The following PPM1J variants were observed in gnomAD, a reference collection of about 807,000 sequenced individuals.
The protein encoded by PPM1J is protein phosphatase, Mg2+/Mn2+ dependent 1J.
In PPM1J, 43 loss-of-function variants were observed where a neutral mutation model predicts 53.3. The observed-to-expected ratio is 0.81, with a 90% CI of 0.63 to 1.04. The LOEUF (loss-of-function observed/expected upper bound fraction) is 1.04. Among genes scored for constraint, PPM1J ranks in the 50% least tolerant of loss-of-function variants. The pLI is 0.00. For missense variants in PPM1J, 635 were observed against 685.9 expected (o/e 0.93, Z 0.83); for synonymous variants, 267 against 286.4 (o/e 0.93, Z 0.68).
chr1:112,714,045 T>C, intron 1 of PPM1J: 1 of 1,048,002 alleles, frequency 9.5e-7, no homozygotes. Context: ...CTCATCCTCA[T>C]GGGCACACCC....
chr1:112,712,270 A>C (rs1675081103), intron 4 of PPM1J, 75 bp downstream of exon 4: 2 of 1,233,194 alleles, frequency 1.6e-6, no homozygotes, highest in Non-Finnish European at 2.3e-6. Context: ...AACCCCTGCC[A>C]CCTTACTCTC....
Position 112,711,304 on chromosome 1 carries a change from C to A in PPM1J, c.1008G>T (p.Gly336=). ...TCTGGTCCCGGTACAACATCCTCTG[C>A]CCCAGCTCCTTGGGCAGAACTCTGC... ...FPRRVLPKEL[G]QRMLYRDQNM... is the part of the protein sequence containing the mutation. Residue 336 remains glycine, a synonymous_variant, in exon 6 of 10, where the codon GGG becomes GGT. Transcript: ENST00000309276. 1 of 1,607,786 alleles carries A rather than the reference C, an allele frequency of 6.2e-7. No homozygotes were observed. Among genetic ancestry groups the A allele is most frequent in the Non-Finnish European group, 8.5e-7 (1 of 1,176,904 alleles).
In PPM1J at chr1:112,712,345, C is replaced by G; in HGVS notation, c.842G>C (p.Arg281Thr). The G allele has an allele frequency of 6.2e-7, 1 of 1,608,394 alleles. No homozygotes were observed. Residue 281 changes from arginine (R) to threonine (T), a missense_variant and splice_region_variant, in exon 4 of 10, where the codon AGG (arginine) becomes ACG (threonine). By Grantham distance (71) the Arg-to-Thr change is moderately conservative. Coordinates refer to ENST00000309276, the MANE Select transcript of PPM1J (RefSeq NM_005167.7). ...KVYVANAGDS[R>T]AIIVRNGEII... ...CACCTTGGAGCCCCCTCCCCCATACCTGCTATCGCCTGCATTGGCCACGTA... is the reference window on the plus strand; with the variant it reads ...CACCTTGGAGCCCCCTCCCCCATACGTGCTATCGCCTGCATTGGCCACGTA...
chr1:112,710,768 C>T lies in PPM1J; in HGVS notation c.1194G>A (p.Lys398=), dbSNP rs1428978422. The change falls in exon 8 of 10, where the codon AAG becomes AAA. Residue 398 remains lysine (K), a synonymous_variant. Coordinates refer to ENST00000309276, the MANE Select transcript of PPM1J (RefSeq NM_005167.7). ...LKVCSSTLPI[K]PFLSCFPEVR... ...CCTCAGGGAAGCAGGAGAGAAAGGG[C>T]TTGATGGGCAGGGTGGAACTGCAGA... 6.2e-7 allele frequency: 1 copy of T among 1,614,118 alleles called. No homozygotes were observed. Among genetic ancestry groups the T allele is most frequent in the African/African-American group, 1.3e-5 (1 of 75,032 alleles).
chr1:112,713,235 C>T (rs578237861), intron 2 of PPM1J, among the ~76,000 whole-genome samples: 1 of 152,312 alleles, frequency 6.6e-6, no homozygotes, highest in South Asian at 2.1e-4. Flanking sequence ...AAAACCCAAA[C>T]TCAGAGGATA....
Position 112,713,552 on chromosome 1 carries a change from T to A in PPM1J, c.386A>T (p.Tyr129Phe), listed in dbSNP as rs1274518191. 3 of 1,614,012 alleles carry A rather than the reference T, an allele frequency of 1.9e-6. No homozygotes were observed. The African/African-American group carries it at 4.0e-5, about 22-fold the overall frequency. Residue 129 changes from tyrosine (Y) to phenylalanine (F), a missense_variant, in exon 2 of 10, where the codon TAT (tyrosine) becomes TTT (phenylalanine). Physicochemically the swap from Tyr to Phe is conservative, Grantham distance 22. Transcript: ENST00000309276. The part of the protein sequence containing the change: ...NEDQACCEVV[Y>F]VEGRRSVTGV... ...TGTAACACTCCTCCGACCTTCCACA[T>A]ACACCACTTCACAGCAAGCCTGGTC...
Position 112,715,116 on chromosome 1 carries a change from C to T in PPM1J, c.186G>A (p.Glu62=), listed in dbSNP as rs754247401. 3 of 1,557,038 alleles carry T rather than the reference C, an allele frequency of 1.9e-6. No homozygotes were observed. The highest frequency in any genetic ancestry group is 2.6e-6 in the Non-Finnish European group (3 of 1,161,678). The part of the protein sequence containing the change: ...SGSATPAKAV[E]ARASFSRPTF... Reference sequence around the variant, plus strand: ...TCGGTCTGGAGAAGCTCGCTCGAGCCTCAACAGCCTTCGCGGGCGTCGCGC... The same window carrying T: ...TCGGTCTGGAGAAGCTCGCTCGAGCTTCAACAGCCTTCGCGGGCGTCGCGC... The change falls in exon 1 of 10, where the codon GAG becomes GAA. Residue 62 remains glutamate (E), a synonymous_variant. Coordinates refer to ENST00000309276, the MANE Select transcript of PPM1J (RefSeq NM_005167.7). This position sits in a 1 kb window ranked among gnomAD's most constrained non-coding sequence, Gnocchi z 4.4.
At position 112,710,245 on chromosome 1, in the gene PPM1J, C is replaced by T. The variant is rs113935705; in HGVS notation, c.1436G>A (p.Arg479His). 112 of 1,594,058 alleles carry T rather than the reference C, an allele frequency of 7.0e-5. 1 individual carries two copies. Among genetic ancestry groups the T allele is most frequent in the African/African-American group, 2.6e-4 (19 of 73,240 alleles). ...GGAACCCAGCTTGTTGTTGGGGAGA[C>T]GCCAGCCACGGTCTCGGGGGGTACC... Reference protein sequence around the residue: ...ARGTPRDRGWRLPNNKLGSGD... With the variant: ...ARGTPRDRGWHLPNNKLGSGD... Residue 479 changes from arginine to histidine, a missense_variant, in exon 10 of 10, where the codon CGT becomes CAT. Physicochemically the swap from Arg to His is conservative, Grantham distance 29. Transcript: ENST00000309276.
exon 1 of PPM1J, chr1:112,715,329 CGGCCCCGCCCCCGCCCA>C (rs1392330377): frequency 6.1e-5 from 75 of 1,222,322 alleles, no homozygotes; most frequent in South Asian, 1.5e-4. The surrounding 1 kb of genome is among the most constrained non-coding windows in gnomAD (Gnocchi z 4.4). Context: ...CCCTCGGCCG[CGGCCCCGCCCCCGCCCA>C]GGCCCCGCCC....
At chr1:112,714,548 G>A in intron 1 of PPM1J, 1 of 997,762 alleles carries the variant, frequency 1.0e-6, no homozygotes, top group Non-Finnish European at 1.2e-6. Context: ...CTGGGGCGCT[G>A]GAGCCGGGAA....
intron 3 of PPM1J, 135 bp from the exon 4 acceptor site, chr1:112,712,592 G>GGTGT: frequency 9.1e-7 from 1 of 1,102,946 alleles, no homozygotes; most frequent in Non-Finnish European, 1.3e-6. Flanking sequence ...GGAAGACTGG[G>GGTGT]GTGTAACTGC....
At position 112,711,395 on chromosome 1, in the gene PPM1J, G is replaced by T; in HGVS notation, c.928-11C>A. 1 of 1,560,168 alleles carries T rather than the reference G, an allele frequency of 6.4e-7. No individual in the cohort carries two copies. Among genetic ancestry groups the T allele is most frequent in the Non-Finnish European group, 8.8e-7 (1 of 1,139,838 alleles). On this transcript the variant is annotated splice_polypyrimidine_tract_variant and intron_variant, in intron 5 of 9. Coordinates refer to ENST00000309276, the MANE Select transcript of PPM1J (RefSeq NM_005167.7). ...TGGTTTCAGGAAGCCCTGGAGTTGG[G>T]GATGATCAGAACAGAGAGCCAGGGG...
At position 112,710,736 on chromosome 1, in the gene PPM1J, G is replaced by A; in HGVS notation, c.1218+8C>T. The A allele has an allele frequency of 1.2e-6, 2 of 1,613,466 alleles. No homozygotes were observed. Among genetic ancestry groups the A allele is most frequent in the East Asian group, 2.2e-5 (1 of 44,878 alleles). ...CAGAGAAGGCAAGGTGTGGTTTAAG[G>A]GGCTCACCTCAGGGAAGCAGGAGAG... is the stretch of plus-strand genomic sequence containing the variant. On this transcript the variant is annotated splice_region_variant and intron_variant, in intron 8 of 9. Coordinates refer to ENST00000309276, the MANE Select transcript of PPM1J (RefSeq NM_005167.7).
rs1203588132 is a variant in PPM1J, at chr1:112,715,154, C to A, written c.148G>T (p.Ala50Ser). 1 of 1,541,484 alleles carries A rather than the reference C, an allele frequency of 6.5e-7. No homozygotes were observed. The highest frequency in any genetic ancestry group is 8.7e-7 in the Non-Finnish European group (1 of 1,155,182). ...PEAPRSPPAK[A>S]GSGSATPAKA... Reference sequence around the variant, plus strand: ...GCGGGCGTCGCGCTCCCGCTCCCAGCCTTCGCGGGAGGGCTCCTGGGCGCT... The same window carrying A: ...GCGGGCGTCGCGCTCCCGCTCCCAGACTTCGCGGGAGGGCTCCTGGGCGCT... Residue 50 changes from alanine to serine, a missense_variant, in exon 1 of 10, where the codon GCT becomes TCT. By Grantham distance (99) the Ala-to-Ser change is moderately conservative. Coordinates refer to ENST00000309276, the MANE Select transcript of PPM1J (RefSeq NM_005167.7). The surrounding 1 kb of genome is among the most constrained non-coding windows in gnomAD (Gnocchi z 4.4).
At position 112,715,064 on chromosome 1, in the gene PPM1J, GC is replaced by G. The variant is rs1553190966; in HGVS notation, c.237del (p.Leu80CysfsTer102). Reference sequence around the variant, plus strand: ...CCCGCGTGGTCATCGGCGCGTCGCAGCCCCCCGGGGCTCAGCTGCAGAAAGG... The same window carrying G: ...CCCGCGTGGTCATCGGCGCGTCGCAGCCCCCGGGGCTCAGCTGCAGAAAGG... ...RPTFLQLSPG[G>X]LRRADDHAGR... On this transcript the variant is annotated frameshift_variant, in exon 1 of 10. Coordinates refer to ENST00000309276, the MANE Select transcript of PPM1J (RefSeq NM_005167.7). LOFTEE classifies it high-confidence loss of function. The surrounding 1 kb of genome is among the most constrained non-coding windows in gnomAD (Gnocchi z 4.4). The G allele has an allele frequency of 6.5e-6, 10 of 1,544,340 alleles. No individual in the cohort carries two copies. The highest frequency in any genetic ancestry group is 3.9e-5 in the Admixed American group (2 of 51,626).
In PPM1J at chr1:112,714,999, C is replaced by T; in HGVS notation, c.303G>A (p.Leu101=). Residue 101 remains leucine (L), a synonymous_variant, in exon 1 of 10, where the codon CTG becomes CTA. Transcript: ENST00000309276. ...VQSPPDTGRR[L]PWSTGYAEVI... The stretch of plus-strand genomic sequence containing the variant: ...ACTCGGCGTAGCCTGTGCTCCAGGG[C>T]AGGCGGCGGCCCGTGTCCGGGGGGC... 2 of 1,455,938 alleles carry T rather than the reference C, an allele frequency of 1.4e-6. No homozygotes were observed. The highest frequency in any genetic ancestry group is 2.8e-5 in the East Asian group (1 of 35,236). The allele number at this position is 1,455,938 out of a possible 1,614,324, so 90.2% of individuals were successfully genotyped here. A position where few individuals can be genotyped will look rare whatever the true frequency, so the allele number is the denominator to read the frequency against.
chr1:112,711,112 A>G (rs572326518), intron 6 of PPM1J, 41 bp from the exon 7 acceptor site: 1 of 1,585,906 alleles, frequency 6.3e-7, no homozygotes, highest in South Asian at 1.1e-5. Context: ...CCAGGCATCA[A>G]AGCCCCTCTC....
At position 112,711,022 on chromosome 1, in the gene PPM1J, C is replaced by T. The variant is rs762785979; in HGVS notation, c.1096G>A (p.Gly366Arg). The T allele has an allele frequency of 1.9e-6, 3 of 1,614,072 alleles. No homozygotes were observed. In the East Asian group the frequency reaches 6.7e-5, roughly 36 times the overall value. Residue 366 changes from glycine (G) to arginine (R), a missense_variant, in exon 7 of 10, where the codon GGG becomes AGG. Gly to Arg is a moderately radical substitution (Grantham distance 125). Coordinates refer to ENST00000309276, the MANE Select transcript of PPM1J (RefSeq NM_005167.7). ...ATGGAGTTTACCTTTTTGCCCTCCC[C>T]ACAGACCAGAGGAAACCTGAGATCC... Reference protein sequence around the residue: ...LEDLRFPLVCGEGKKARVMAT... With the variant: ...LEDLRFPLVCREGKKARVMAT...
chr1:112,715,111 C>T lies in PPM1J; in HGVS notation c.191G>A (p.Arg64Gln), dbSNP rs1473192000. Residue 64 changes from arginine (R) to glutamine (Q), a missense_variant, in exon 1 of 10, where the codon CGA becomes CAA. By Grantham distance (43) the Arg-to-Gln change is conservative. Transcript: ENST00000309276. The surrounding 1 kb of genome is among the most constrained non-coding windows in gnomAD (Gnocchi z 4.4). ...SATPAKAVEA[R>Q]ASFSRPTFLQ... ...AAAGGTCGGTCTGGAGAAGCTCGCT[C>T]GAGCCTCAACAGCCTTCGCGGGCGT... 1 of 1,558,034 alleles carries T rather than the reference C, an allele frequency of 6.4e-7. No individual in the cohort carries two copies. Among genetic ancestry groups the T allele is most frequent in the Non-Finnish European group, 8.6e-7 (1 of 1,162,122 alleles).
Sources: allele counts gnomAD v4.1 joint callset (sites outside exome capture counted in the v4.1 genomes callset), GRCh38; gene constraint gnomAD v4.1.1; non-coding constraint Gnocchi (gnomAD v3.1); transcripts MANE v1.5; gene names NCBI Gene and HGNC (gene_info 2026-07-23, HGNC 2026-07-21).